The following DPF1 variants were observed in gnomAD, a reference collection of about 807,000 sequenced individuals.
The protein encoded by DPF1 is zinc finger protein neuro-d4.
Under a neutral mutation model 58.7 loss-of-function variants are expected in DPF1, and 14 were observed. The ratio of observed to expected loss-of-function variants is 0.24; its 90% confidence interval spans 0.16 to 0.37. The LOEUF (loss-of-function observed/expected upper bound fraction) is 0.37. Among genes scored for constraint, DPF1 ranks in the 10% least tolerant of loss-of-function variants. The pLI, the probability that DPF1 is intolerant of heterozygous loss-of-function variation, is 1.00. For missense variants in DPF1, 345 were observed against 529.9 expected (o/e 0.65, Z 3.43); for synonymous variants, 216 against 216.0 (o/e 1.00, Z 0.00).
chr19:38,224,096 C>T lies in DPF1; in HGVS notation c.29+18G>A. ...ACCCGCCCGCGCTTCCTCTCCGCCTCCCGCCGGCCCGCACCACCTCAGGGG... is the reference window on the plus strand; with the variant it reads ...ACCCGCCCGCGCTTCCTCTCCGCCTTCCGCCGGCCCGCACCACCTCAGGGG... On this transcript the variant is annotated intron_variant, in intron 1 of 11. Transcript: ENST00000355526. This position sits in a 1 kb window ranked among gnomAD's most constrained non-coding sequence, Gnocchi z 4.5. The T allele has an allele frequency of 6.7e-7, 1 of 1,501,964 alleles. No homozygotes were observed. 93.0% of individuals were successfully genotyped at this position (1,501,964 alleles called of 1,614,324 possible).
upstream of DPF1, among the ~76,000 whole-genome samples, chr19:38,227,025 C>T (rs771472323): frequency 7.3e-6 from 1 of 137,464 alleles, no homozygotes; most frequent in African/African-American, 3.0e-5. Flanking sequence ...TTCCTTCCTT[C>T]CTTCCTTCCT....
At chr19:38,215,639 G>A (rs1294157984) in intron 9 of DPF1, among the ~76,000 whole-genome samples, 2 of 152,172 alleles carry the variant, frequency 1.3e-5, no homozygotes, top group African/African-American at 4.8e-5. Flanking sequence ...TCACTATGTT[G>A]CCCAGGCTGG....
At chr19:38,216,559 C>G (rs1967036179) in intron 7 of DPF1, 156 bp from the exon 8 acceptor site, 1 of 770,776 alleles carries the variant, frequency 1.3e-6, no homozygotes, top group African/African-American at 1.8e-5. Context: ...GAAAACAGTT[C>G]TCATCGGGAC....
chr19:38,212,165 C>T (rs761699158), intron 11 of DPF1, 32 bp from the exon 12 acceptor site: 23 of 1,599,334 alleles, frequency 1.4e-5, no homozygotes, highest in East Asian at 6.8e-5. Context: ...AAGTCAGGCC[C>T]GGGTCCGGGA....
upstream of DPF1, among the ~76,000 whole-genome samples, chr19:38,224,469 A>G (rs981671367): frequency 2.6e-5 from 4 of 152,132 alleles, no homozygotes; most frequent in African/African-American, 9.7e-5. The surrounding 1 kb of genome is among the most constrained non-coding windows in gnomAD (Gnocchi z 4.5). Flanking sequence ...ACGCCCACGC[A>G]TGGCAGTTTA....
chr19:38,223,082 C>G (rs1031964026), intron 1 of DPF1: 3 of 253,092 alleles, frequency 1.2e-5, no homozygotes, highest in African/African-American at 6.8e-5. Context: ...AACAGACAAA[C>G]CTCACACACG....
upstream of DPF1, among the ~76,000 whole-genome samples, chr19:38,226,951 A>T (rs1967848049): frequency 7.4e-6 from 1 of 134,430 alleles, no homozygotes; most frequent in Non-Finnish European, 1.6e-5. Context: ...CTCTACCAGC[A>T]GAATTTCTAT....
intron 9 of DPF1, 105 bp downstream of exon 9, chr19:38,216,035 T>A: frequency 6.7e-7 from 1 of 1,496,352 alleles, no homozygotes; most frequent in Non-Finnish European, 8.9e-7. Context: ...CCCTACATGC[T>A]CCGGGTCCCC....
upstream of DPF1, among the ~76,000 whole-genome samples, chr19:38,226,503 T>TACACACACACACAC (rs60328056): frequency 0.012 from 1,566 of 133,702 alleles, 25 homozygotes; most frequent in East Asian, 0.056. Flanking sequence ...CGGTCACTTC[T>TACACACACACACAC]ACACACACAC....
chr19:38,228,401 C>T (rs903420405), upstream of DPF1, among the ~76,000 whole-genome samples: 2 of 151,550 alleles, frequency 1.3e-5, no homozygotes, highest in East Asian at 3.9e-4. Context: ...TCTCCCCCCA[C>T]CCCCCACCCC....
upstream of DPF1, among the ~76,000 whole-genome samples, chr19:38,225,119 G>C (rs968491274): frequency 4.6e-5 from 7 of 152,116 alleles, no homozygotes; most frequent in African/African-American, 1.7e-4. Flanking sequence ...GGTGGCGCAT[G>C]CTTATACTCC....
chr19:38,227,012 T>C (rs1210250278), upstream of DPF1, among the ~76,000 whole-genome samples: 1 of 107,430 alleles, frequency 9.3e-6, no homozygotes. Flanking sequence ...CTTCCTTCCT[T>C]CCTTCCTTCC....
rs1413191195 is a variant in DPF1 at position 38,222,819 on chromosome 19, AC to A, written c.30-112del. ...GCCCAGGCTCGGGAGGGGTGGGCCG[AC>A]CCCTCCAGCCTCACCTCTCCCCTCC... On this transcript the variant is annotated intron_variant, in intron 1 of 11. Coordinates refer to ENST00000355526, the MANE Select transcript of DPF1 (RefSeq NM_001135155.3). The surrounding 1 kb of genome is among the most constrained non-coding windows in gnomAD (Gnocchi z 4.9). 2 of 1,359,338 alleles carry A rather than the reference AC, an allele frequency of 1.5e-6. No individual in the cohort carries two copies. Among genetic ancestry groups the A allele is most frequent in the Non-Finnish European group, 1.9e-6 (2 of 1,044,408 alleles). The allele number at this position is 1,359,338 out of a possible 1,614,324, so 84.2% of individuals were successfully genotyped here. A position where few individuals can be genotyped will look rare whatever the true frequency, so the allele number is the denominator to read the frequency against.
Position 38,222,704 on chromosome 19 carries a change from C to T in DPF1, c.34G>A (p.Gly12Ser), listed in dbSNP as rs767157402. ...ATVIPGPLSLGEDFYREAIEH... is the reference protein window; with the variant it reads ...ATVIPGPLSLSEDFYREAIEH... ...ATGGCCTCGCGGTAGAAGTCCTCGC[C>T]TAGGCTAGAGGGGCGGCGAACGGGC... is the stretch of plus-strand genomic sequence containing the variant. The change falls in exon 2 of 12, where the codon GGC (glycine) becomes AGC (serine). Residue 12 changes from glycine (G) to serine (S), a missense_variant. Transcript: ENST00000355526. The surrounding 1 kb of genome is among the most constrained non-coding windows in gnomAD (Gnocchi z 4.9). The T allele has an allele frequency of 6.3e-6, 10 of 1,597,132 alleles. No individual in the cohort carries two copies. The highest frequency in any genetic ancestry group is 8.5e-6 in the Non-Finnish European group (10 of 1,172,630).
Position 38,217,572 on chromosome 19 carries a change from C to T in DPF1, c.615G>A (p.Lys205=). Residue 205 remains lysine (K), a synonymous_variant, in exon 7 of 12, where the codon AAG becomes AAA. Transcript: ENST00000355526. The part of the protein sequence containing the change: ...YVCDICGKRY[K]NRPGLSYHYT... ...AGTGGTAGCTGAGCCCCGGCCGGTT[C>T]TTATACCGTTTCCCACAGACTGGGG... 1 of 1,550,820 alleles carries T rather than the reference C, an allele frequency of 6.4e-7. No homozygotes were observed. Among genetic ancestry groups the T allele is most frequent in the Non-Finnish European group, 8.7e-7 (1 of 1,146,456 alleles).
intron 3 of DPF1, among the ~76,000 whole-genome samples, chr19:38,221,396 C>T (rs1048910983): frequency 5.9e-5 from 9 of 151,960 alleles, no homozygotes; most frequent in Middle Eastern, 3.4e-3. Flanking sequence ...AAAAATTAGC[C>T]GGGCATGTCA....
At chr19:38,217,037 C>T (rs1362777666) in intron 7 of DPF1, among the ~76,000 whole-genome samples, 2 of 152,212 alleles carry the variant, frequency 1.3e-5, no homozygotes, top group African/African-American at 4.8e-5. Flanking sequence ...TGTCTCCCTA[C>T]TGCCTCTCCC....
In DPF1 at chr19:38,222,834, C is replaced by T. The variant is rs1600281243; in HGVS notation, c.30-126G>A. On this transcript the variant is annotated intron_variant, in intron 1 of 11. Coordinates refer to ENST00000355526, the MANE Select transcript of DPF1 (RefSeq NM_001135155.3). This position sits in a 1 kb window ranked among gnomAD's most constrained non-coding sequence, Gnocchi z 4.9. ...GGGTGGGCCGACCCCTCCAGCCTCA[C>T]CTCTCCCCTCCTCCCACTCCGGGAC... 15 of 1,284,140 alleles carry T rather than the reference C, an allele frequency of 1.2e-5. No individual in the cohort carries two copies. The East Asian group carries it at 4.5e-4, about 38-fold the overall frequency. 79.5% of individuals were successfully genotyped at this position (1,284,140 alleles called of 1,614,324 possible).
chr19:38,213,986 C>T (rs1373744159), intron 9 of DPF1: 1 of 542,146 alleles, frequency 1.8e-6, no homozygotes, highest in Non-Finnish European at 3.3e-6. Flanking sequence ...CTCTGCTCCC[C>T]AGAACGCCAT....
Sources: allele counts gnomAD v4.1 joint callset (sites outside exome capture counted in the v4.1 genomes callset), GRCh38; gene constraint gnomAD v4.1.1; non-coding constraint Gnocchi (gnomAD v3.1); transcripts MANE v1.5; gene names NCBI Gene and HGNC (gene_info 2026-07-23, HGNC 2026-07-21).